The following STK32A variants were observed in gnomAD, a reference collection of about 807,000 sequenced individuals.
STK32A encodes the protein serine/threonine-protein kinase 32A.
A neutral mutation model predicts 53.2 loss-of-function variants in STK32A; 41 were observed. The observed-to-expected ratio is 0.77, with a 90% confidence interval of 0.60 to 1.00. STK32A has a LOEUF of 1.00. Ranked by LOEUF, STK32A falls within the 50% of genes least tolerant of loss-of-function variation. STK32A has a pLI of 0.00. For missense variants in STK32A, 458 were observed against 485.8 expected (o/e 0.94, Z 0.54); for synonymous variants, 166 against 162.8 (o/e 1.02, Z -0.15).
At chr5:147,336,278 G>A (rs10515580) in intron 5 of STK32A, among the ~76,000 whole-genome samples, 20,238 of 151,990 alleles carry the variant, frequency 0.13, 1,569 homozygotes, top group East Asian at 0.28. Context: ...ATTGGCTGAT[G>A]AAGAGGTCAT....
At chr5:147,343,271 G>T in intron 6 of STK32A, 1 of 718,824 alleles carries the variant, frequency 1.4e-6, no homozygotes, top group Non-Finnish European at 2.5e-6. Context: ...GAAAATCATA[G>T]TCTACTCAAT....
intron 2 of STK32A, among the ~76,000 whole-genome samples, chr5:147,250,941 C>CAAAAAA (rs71001422): frequency 9.9e-6 from 1 of 101,178 alleles, no homozygotes; most frequent in African/African-American, 3.8e-5. Context: ...GACTCCATCT[C>CAAAAAA]AAAAAAAAAA....
intron 2 of STK32A, among the ~76,000 whole-genome samples, chr5:147,243,946 A>C (rs1340087841): frequency 6.6e-6 from 1 of 152,174 alleles, no homozygotes; most frequent in Non-Finnish European, 1.5e-5. Context: ...CATTAAGCAC[A>C]TTCACGTTAT....
At chr5:147,253,205 GA>G (rs1561669616) in intron 2 of STK32A, among the ~76,000 whole-genome samples, 1 of 151,974 alleles carries the variant, frequency 6.6e-6, no homozygotes, top group Non-Finnish European at 1.5e-5. Context: ...CTTTGATCCT[GA>G]AAAAAATTTT....
In STK32A at chr5:147,324,016, A is replaced by G; in HGVS notation, c.379A>G (p.Ile127Val). The G allele has an allele frequency of 6.2e-7, 1 of 1,611,474 alleles. No homozygotes were observed. Among genetic ancestry groups the G allele is most frequent in the East Asian group, 2.2e-5 (1 of 44,806 alleles). ...HFKEETVKLF[I>V]CELVMALDYL... is the part of the protein sequence containing the mutation. ...CAAGGAAGAAACAGTGAAGCTCTTC[A>G]TCTGTGAGCTGGTCATGGCCCTGGA... The change falls in exon 5 of 13, where the codon ATC becomes GTC. Residue 127 changes from isoleucine to valine, a missense_variant. By Grantham distance (29) the Ile-to-Val change is conservative (BLOSUM62 3). Coordinates refer to ENST00000397936, the MANE Select transcript of STK32A (RefSeq NM_001112724.2).
intron 2 of STK32A, among the ~76,000 whole-genome samples, chr5:147,262,938 G>A (rs1000352117): frequency 6.6e-6 from 1 of 152,160 alleles, no homozygotes; most frequent in Non-Finnish European, 1.5e-5. Flanking sequence ...TAAAGTAAAT[G>A]ACATTGTTTG....
At chr5:147,255,939 A>C (rs1271144944) in intron 2 of STK32A, among the ~76,000 whole-genome samples, 1 of 152,184 alleles carries the variant, frequency 6.6e-6, no homozygotes, top group Non-Finnish European at 1.5e-5. Flanking sequence ...TGAGAGTTGA[A>C]AGACCCATAA....
At chr5:147,377,315 T>C (rs1407802645) in intron 11 of STK32A, among the ~76,000 whole-genome samples, 1 of 152,122 alleles carries the variant, frequency 6.6e-6, no homozygotes, top group Admixed American at 6.5e-5. Flanking sequence ...TTTTGATACC[T>C]GTTTTGTGGT....
downstream of STK32A, chr5:147,391,419 C>A (rs1757795304): frequency 6.6e-6 from 1 of 152,548 alleles, no homozygotes; most frequent in South Asian, 2.1e-4. Flanking sequence ...TCAGAGAGAA[C>A]CGGGATGGAT....
chr5:147,294,262 G>A (rs1251693827), intron 4 of STK32A, among the ~76,000 whole-genome samples: 1 of 152,090 alleles, frequency 6.6e-6, no homozygotes, highest in Non-Finnish European at 1.5e-5. Flanking sequence ...CTTCAGTTTT[G>A]TCCTATACTT....
At chr5:147,309,965 T>C (rs556472987) in intron 4 of STK32A, among the ~76,000 whole-genome samples, 22 of 152,292 alleles carry the variant, frequency 1.4e-4, no homozygotes, top group Non-Finnish European at 2.6e-4. Flanking sequence ...CCAAACATTT[T>C]AAAATTAGCT....
Position 147,386,554 on chromosome 5 carries a change from G to T in STK32A, c.*2571G>T, listed in dbSNP as rs184417318. On this transcript the variant is annotated 3_prime_UTR_variant, in exon 13 of 13. Coordinates refer to ENST00000397936, the MANE Select transcript of STK32A (RefSeq NM_001112724.2). ...GTTAAGCCATAGTGCCATTTCACAC[G>T]TATACATTTATGATGGGATGGGAAC... 3.3e-5 allele frequency: 5 copies of T among 152,296 alleles called. No homozygotes were observed. The highest frequency in any genetic ancestry group is 6.5e-5 in the Admixed American group (1 of 15,298). 9.4% of individuals were successfully genotyped at this position (152,296 alleles called of 1,614,324 possible). A position where few individuals can be genotyped will look rare whatever the true frequency, so the allele number is the denominator to read the frequency against.
intron 5 of STK32A, chr5:147,342,698 A>G (rs1755488892): frequency 5.8e-6 from 2 of 345,966 alleles, no homozygotes; most frequent in Admixed American, 8.6e-5. Context: ...ACCAATATCT[A>G]CATGCTTAGA....
intron 6 of STK32A, among the ~76,000 whole-genome samples, chr5:147,344,184 GAACTGA>G (rs1379293203): frequency 2.6e-5 from 4 of 152,120 alleles, no homozygotes; most frequent in African/African-American, 9.7e-5. Context: ...TTTGCAAGTG[GAACTGA>G]AACTCCAAGT....
At chr5:147,328,878 A>G (rs757774221) in intron 5 of STK32A, among the ~76,000 whole-genome samples, 8 of 152,192 alleles carry the variant, frequency 5.3e-5, no homozygotes, top group Non-Finnish European at 1.0e-4. Flanking sequence ...TATGAATTTA[A>G]GCTAATGAGA....
chr5:147,337,999 C>T (rs1453342985), intron 5 of STK32A, among the ~76,000 whole-genome samples: 1 of 151,954 alleles, frequency 6.6e-6, no homozygotes, highest in Non-Finnish European at 1.5e-5. Context: ...ACTGAGAGGC[C>T]AGGGTGTTAG....
At chr5:147,263,794 A>G (rs1754688905) in intron 2 of STK32A, among the ~76,000 whole-genome samples, 1 of 152,172 alleles carries the variant, frequency 6.6e-6, no homozygotes, top group African/African-American at 2.4e-5. Flanking sequence ...AGGGGGCAAT[A>G]ATTATTACAT....
At chr5:147,378,825 A>G (rs1757333273) in intron 11 of STK32A, among the ~76,000 whole-genome samples, 1 of 112,142 alleles carries the variant, frequency 8.9e-6, no homozygotes, top group South Asian at 3.3e-4. Flanking sequence ...GTAGTAGTGT[A>G]ATAATGCCTC....
intron 4 of STK32A, among the ~76,000 whole-genome samples, chr5:147,302,404 G>C (rs1753184349): frequency 6.6e-6 from 1 of 152,180 alleles, no homozygotes; most frequent in South Asian, 2.1e-4. Flanking sequence ...CCGAAGTGTA[G>C]ACATTGGGGA....
Sources: allele counts gnomAD v4.1 joint callset (sites outside exome capture counted in the v4.1 genomes callset), GRCh38; gene constraint gnomAD v4.1.1; transcripts MANE v1.5; gene names NCBI Gene and HGNC (gene_info 2026-07-23, HGNC 2026-07-21).